Variants in TTN observed in about 807,000 individuals in gnomAD.
TTN encodes connectin.
In TTN, 1,525 loss-of-function variants were observed where a neutral mutation model predicts 3,223.0. That is an observed-to-expected ratio of 0.47 (90% CI 0.45 to 0.49). The LOEUF is 0.49. Among genes scored for constraint, TTN ranks in the 20% least tolerant of loss-of-function variants. The pLI, the probability that TTN is intolerant of heterozygous loss-of-function variation, is 0.00. For synonymous variants in TTN, 14,094 were observed against 15,161.0 expected (o/e 0.93, Z 5.17); for missense variants, 40,786 against 43,424.0 (o/e 0.94, Z 5.40).
chr2:178,732,574 C>T lies in TTN; in HGVS notation c.16487G>A (p.Cys5496Tyr), dbSNP rs373848201. The T allele has an allele frequency of 1.2e-6, 2 of 1,613,496 alleles. No individual in the cohort carries two copies. Among genetic ancestry groups the T allele is most frequent in the African/African-American group, 2.7e-5 (2 of 74,892 alleles). Residue 5496 changes from cysteine (C) to tyrosine (Y), a missense_variant, in exon 56 of 363, where the codon TGC becomes TAC. Coordinates refer to ENST00000589042, the MANE Select transcript of TTN (RefSeq NM_001267550.2). Reference sequence around the variant, plus strand: ...CTCTAAAGCTTCTTTGGTAATATAGCAGCTTCCACCAGAAACCAGCTCTTT... The same window carrying T: ...CTCTAAAGCTTCTTTGGTAATATAGTAGCTTCCACCAGAAACCAGCTCTTT... ...GNKELVSGGSCYITKEALESS... is the reference protein window; with the variant it reads ...GNKELVSGGSYYITKEALESS...
Position 178,601,250 on chromosome 2 carries a change from G to C in TTN, c.55732+15C>G. The C allele has an allele frequency of 1.3e-6, 2 of 1,523,196 alleles. No individual in the cohort carries two copies. The highest frequency in any genetic ancestry group is 1.8e-6 in the Non-Finnish European group (2 of 1,139,840). The allele number at this position is 1,523,196 out of a possible 1,614,324, so 94.4% of individuals were successfully genotyped here. On this transcript the variant is annotated intron_variant, in intron 287 of 362. Transcript: ENST00000589042. Reference sequence around the variant, plus strand: ...ATTTTGAGAAGATATTTTAAATTTAGATTTTAAAGCTTACATATCGGATCT... The same window carrying C: ...ATTTTGAGAAGATATTTTAAATTTACATTTTAAAGCTTACATATCGGATCT...
At chr2:178,650,433 C>T (rs1327882156) in intron 209 of TTN, among the ~76,000 whole-genome samples, 162 bp from the exon 210 acceptor site, 1 of 152,088 alleles carries the variant, frequency 6.6e-6, no homozygotes, top group Non-Finnish European at 1.5e-5. Flanking sequence ...GCACTGACTT[C>T]TTTGTCTATT....
chr2:178,555,119 G>A lies in TTN; in HGVS notation c.88340C>T (p.Thr29447Ile), dbSNP rs140201636. Residue 29447 changes from threonine to isoleucine, a missense_variant, in exon 331 of 363, where the codon ACA (threonine) becomes ATA (isoleucine). Physicochemically the swap from Thr to Ile is moderately conservative, Grantham distance 89. Transcript: ENST00000589042. ...ACCTGCTCTGTATTTGACAACTTCT[G>A]TATATTCTAGAGGCAAATCAATTAC... is the stretch of plus-strand genomic sequence containing the variant. ...GPVIDLPLEY[T>I]EVVKYRAGTS... is the part of the protein sequence containing the mutation. The A allele has an allele frequency of 6.2e-7, 1 of 1,613,188 alleles. No individual in the cohort carries two copies. The highest frequency in any genetic ancestry group is 1.1e-5 in the South Asian group (1 of 90,860).
Position 178,547,679 on chromosome 2 carries a change from A to G in TTN, c.93947T>C (p.Ile31316Thr), listed in dbSNP as rs79459914. ...TTCAGCTGAGACAGATGAGACCTCA[A>G]TGGGGCCGGTTACTGGACCTGGCCT... ...IGRPGPVTGP[I>T]EVSSVSAESC... The change falls in exon 339 of 363, where the codon ATT becomes ACT. Residue 31316 changes from isoleucine (I) to threonine (T), a missense_variant. By Grantham distance (89) the Ile-to-Thr change is moderately conservative (BLOSUM62 -1). Coordinates refer to ENST00000589042, the MANE Select transcript of TTN (RefSeq NM_001267550.2). The G allele has an allele frequency of 5.6e-6, 9 of 1,613,924 alleles. No homozygotes were observed. Among genetic ancestry groups the G allele is most frequent in the African/African-American group, 1.3e-5 (1 of 75,046 alleles).
intron 294 of TTN, among the ~76,000 whole-genome samples, chr2:178,596,744 A>G (rs2051748238): frequency 6.6e-6 from 1 of 152,076 alleles, no homozygotes; most frequent in South Asian, 2.1e-4. Context: ...TTCAACATAG[A>G]ACTGGCAATT....
chr2:178,770,392 G>A lies in TTN; in HGVS notation c.8380+20C>T. The A allele has an allele frequency of 6.2e-7, 1 of 1,614,142 alleles. No individual in the cohort carries two copies. The highest frequency in any genetic ancestry group is 1.1e-5 in the South Asian group (1 of 91,088). ...TAACCATGGGCTGACTGCTTGAAAA[G>A]TGTTTCTAAATCAACTTACTCTCCA... On this transcript the variant is annotated intron_variant, in intron 35 of 362. Transcript: ENST00000589042.
chr2:178,567,988 G>C lies in TTN; in HGVS notation c.78144C>G (p.Thr26048=). Residue 26048 remains threonine, a synonymous_variant, in exon 326 of 363, where the codon ACC becomes ACG. Coordinates refer to ENST00000589042, the MANE Select transcript of TTN (RefSeq NM_001267550.2). The part of the protein sequence containing the change: ...TKVNKTIIHD[T]QFKAQNLEEG... ...CTTCAAGATTCTGTGCTTTGAATTG[G>C]GTGTCATGAATAATAGTTTTGTTGA... 1 of 1,613,346 alleles carries C rather than the reference G, an allele frequency of 6.2e-7. No homozygotes were observed. Among genetic ancestry groups the C allele is most frequent in the Non-Finnish European group, 8.5e-7 (1 of 1,179,558 alleles).
chr2:178,622,116 C>G, intron 243 of TTN, 108 bp from the exon 244 acceptor site: 1 of 1,073,182 alleles, frequency 9.3e-7, no homozygotes, highest in South Asian at 1.7e-5. Flanking sequence ...AACAAGACTT[C>G]ATAGTGTGAA....
intron 47 of TTN, chr2:178,747,324 C>T (rs2083944753): frequency 6.2e-7 from 1 of 1,613,344 alleles, no homozygotes; most frequent in South Asian, 1.1e-5. Context: ...GAATATCTTT[C>T]AACTGTCTCA....
In TTN at chr2:178,534,379, CTT is replaced by C; in HGVS notation, c.102234_102235del (p.Arg34079SerfsTer4). 3 of 1,610,686 alleles carry C rather than the reference CTT, an allele frequency of 1.9e-6. No homozygotes were observed. The highest frequency in any genetic ancestry group is 2.5e-6 in the Non-Finnish European group (3 of 1,179,800). ...TGTTCTGATAACTTTAGTACTGACT[CTT>C]TCTATCTTCTGCTTCAACCATGGGT... On this transcript the variant is annotated frameshift_variant, in exon 358 of 363. Coordinates refer to ENST00000589042, the MANE Select transcript of TTN (RefSeq NM_001267550.2). LOFTEE classifies it high-confidence loss of function.
chr2:178,714,445 C>T lies in TTN; in HGVS notation c.26329G>A (p.Val8777Ile), dbSNP rs376823283. 1.2e-4 allele frequency: 193 copies of T among 1,613,554 alleles called. No homozygotes were observed. Among genetic ancestry groups the T allele is most frequent in the Non-Finnish European group, 1.5e-4 (181 of 1,179,708 alleles). Residue 8777 changes from valine (V) to isoleucine (I), a missense_variant, in exon 91 of 363, where the codon GTT (valine) becomes ATT (isoleucine). By Grantham distance (29) the Val-to-Ile change is conservative. Coordinates refer to ENST00000589042, the MANE Select transcript of TTN (RefSeq NM_001267550.2). ...ATCCATATGTTGTCACTTTCTCTAACGATTTCTCCCTTATCTTTGAACCAC... is the reference window on the plus strand; with the variant it reads ...ATCCATATGTTGTCACTTTCTCTAATGATTTCTCCCTTATCTTTGAACCAC... ...VVWFKDKGEI[V>I]RESDNIWISY...
rs754729998 is a variant in TTN, at chr2:178,739,872, T to C, written c.13361A>G (p.Glu4454Gly). The change falls in exon 48 of 363, where the codon GAA becomes GGA. Residue 4454 changes from glutamate (E) to glycine (G), a missense_variant. Coordinates refer to ENST00000589042, the MANE Select transcript of TTN (RefSeq NM_001267550.2). ...AACATCTTCAATAATGATGGTTACT[T>C]CTTCTGTTACAGACTTTGCCGAAGT... ...LVTSAKSVTE[E>G]VTIIIEDVDP... is the part of the protein sequence containing the mutation. The C allele has an allele frequency of 7.4e-6, 12 of 1,613,872 alleles. No individual in the cohort carries two copies. Among genetic ancestry groups the C allele is most frequent in the Non-Finnish European group, 1.0e-5 (12 of 1,179,824 alleles).
chr2:178,724,117 G>A lies in TTN; in HGVS notation c.21142C>T (p.Arg7048Ter), dbSNP rs770579313. 4.3e-6 allele frequency: 7 copies of A among 1,612,136 alleles called. No individual in the cohort carries two copies. The highest frequency in any genetic ancestry group is 5.1e-6 in the Non-Finnish European group (6 of 1,178,822). ...SDRAVPPSFT[R>*]RLKNTGGVLG... ...ACCCCACCAGTATTTTTCAGTCTTCGTGTGAAAGAGGGAGGAACTGCTCGG... is the reference window on the plus strand; with the variant it reads ...ACCCCACCAGTATTTTTCAGTCTTCATGTGAAAGAGGGAGGAACTGCTCGG... Residue 7048 changes from arginine (R) to a stop codon, truncating the protein, a stop_gained, in exon 73 of 363, where the codon CGA becomes TGA. Coordinates refer to ENST00000589042, the MANE Select transcript of TTN (RefSeq NM_001267550.2). LOFTEE classifies it high-confidence loss of function.
Position 178,604,158 on chromosome 2 carries a change from C to G in TTN, c.54529G>C (p.Ala18177Pro), listed in dbSNP as rs373546809. The G allele has an allele frequency of 6.2e-7, 1 of 1,612,046 alleles. No homozygotes were observed. The highest frequency in any genetic ancestry group is 1.3e-5 in the African/African-American group (1 of 74,790). ...PGPPGKPKVL[A>P]RTKGSMLVSW... is the part of the protein sequence containing the mutation. ...ACTAGCATTGATCCTTTGGTGCGTG[C>G]CAAAACTTTTGGTTTTCCTGGAGGT... is the stretch of plus-strand genomic sequence containing the variant. Residue 18177 changes from alanine to proline, a missense_variant, in exon 282 of 363, where the codon GCA becomes CCA. Ala to Pro is a conservative substitution (Grantham distance 27). Coordinates refer to ENST00000589042, the MANE Select transcript of TTN (RefSeq NM_001267550.2).
At chr2:178,752,134 A>G (rs2085724171) in intron 47 of TTN, 3 of 1,113,690 alleles carry the variant, frequency 2.7e-6, no homozygotes, top group Admixed American at 4.3e-5. Context: ...AATAAATTGC[A>G]TGCTACAGAT....
chr2:178,541,679 T>C, intron 349 of TTN, 95 bp from the exon 350 acceptor site: 2 of 1,176,908 alleles, frequency 1.7e-6, no homozygotes, highest in Non-Finnish European at 1.1e-6. Context: ...TGGTTGGTAT[T>C]TTAAAAGGTA....
chr2:178,664,612 A>C (rs890316467), intron 167 of TTN, 42 bp downstream of exon 167: 1 of 1,607,758 alleles, frequency 6.2e-7, no homozygotes, highest in Non-Finnish European at 8.5e-7. Context: ...TTATACAAGA[A>C]AAGACATGTT....
chr2:178,729,549 T>C lies in TTN; in HGVS notation c.18607A>G (p.Arg6203Gly). 1 of 1,612,784 alleles carries C rather than the reference T, an allele frequency of 6.2e-7. No homozygotes were observed. The highest frequency in any genetic ancestry group is 8.5e-7 in the Non-Finnish European group (1 of 1,179,158). The change falls in exon 64 of 363, where the codon AGA becomes GGA. Residue 6203 changes from arginine (R) to glycine (G), a missense_variant. Transcript: ENST00000589042. ...LKVKEPPTFI[R>G]ELKPVEVVKY... ...ACTACCTCCACAGGCTTCAGCTCTCTGATAAAGGTGGGGGGTTCTAAAGAT... is the reference window on the plus strand; with the variant it reads ...ACTACCTCCACAGGCTTCAGCTCTCCGATAAAGGTGGGGGGTTCTAAAGAT...
rs766614914 is a variant in TTN, at chr2:178,684,737, G to C, written c.32567C>G (p.Pro10856Arg). 6.2e-7 allele frequency: 1 copy of C among 1,613,140 alleles called. No individual in the cohort carries two copies. Among genetic ancestry groups the C allele is most frequent in the Non-Finnish European group, 8.5e-7 (1 of 1,179,572 alleles). Residue 10856 changes from proline (P) to arginine (R), a missense_variant, in exon 131 of 363, where the codon CCA (proline) becomes CGA (arginine). Coordinates refer to ENST00000589042, the MANE Select transcript of TTN (RefSeq NM_001267550.2). ...KVPPPKVPEE[P>R]KKPVPEKKVP... ...CTTTTTTTCTGGAACTGGTTTCTTT[G>C]GCTCTTCTGGCACTTAAAAGATACC...
Sources: gnomAD v4.1 joint callset for allele counts (sites outside exome capture counted in the v4.1 genomes callset) on GRCh38, gnomAD v4.1.1 for gene constraint, MANE v1.5 for transcripts, NCBI Gene and HGNC (gene_info 2026-07-23, HGNC 2026-07-21) for gene names.